OPHN1: variants seen among roughly 807,000 people sequenced by gnomAD.
The protein encoded by OPHN1 is oligophrenin 1, also known as oligophrenin-1.
In OPHN1, 11 loss-of-function variants were observed where a neutral mutation model predicts 60.7. The observed-to-expected ratio is 0.18, with a 90% CI of 0.11 to 0.30. The LOEUF (loss-of-function observed/expected upper bound fraction) is 0.30. Among genes scored for constraint, OPHN1 ranks in the 10% least tolerant of loss-of-function variants. The pLI, the probability that OPHN1 is intolerant of heterozygous loss-of-function variation, is 1.00. For missense variants in OPHN1, 449 were observed against 611.0 expected (o/e 0.73, Z 2.80); for synonymous variants, 226 against 222.6 (o/e 1.02, Z -0.14).
intron 6 of OPHN1, among the ~76,000 whole-genome samples, chrX:68,234,282 C>T (rs2077742493): frequency 1.8e-5 from 2 of 111,063 alleles, no homozygotes; most frequent in South Asian, 7.6e-4. Context: ...AGTATCCTAT[C>T]CAAGGTCACA....
chrX:68,197,024 T>G (rs1402111110), intron 12 of OPHN1, among the ~76,000 whole-genome samples, 162 bp downstream of exon 12: 2 of 111,412 alleles, frequency 1.8e-5, no homozygotes, highest in Non-Finnish European at 3.8e-5. Context: ...GGAACTCCAG[T>G]TGCCTTACCT....
chrX:68,251,291 A>G (rs760015036), intron 5 of OPHN1, among the ~76,000 whole-genome samples: 6 of 100,920 alleles, frequency 5.9e-5, no homozygotes, highest in African/African-American at 2.3e-4. Context: ...GGTTCAAGCG[A>G]TTCTCCTACC....
intron 2 of OPHN1, among the ~76,000 whole-genome samples, chrX:68,409,670 G>A (rs1050326967): frequency 5.4e-5 from 6 of 111,758 alleles, no homozygotes; most frequent in Middle Eastern, 4.7e-3. Flanking sequence ...TGAGGGCTGA[G>A]GGCTGAAAAT....
intron 10 of OPHN1, among the ~76,000 whole-genome samples, chrX:68,206,222 T>C (rs756017468): frequency 9.0e-6 from 1 of 111,663 alleles, no homozygotes; most frequent in Non-Finnish European, 1.9e-5. Context: ...ATTTTGGAAT[T>C]CAATTCATAT....
chrX:68,183,070 A>T (rs1165263260), intron 15 of OPHN1, among the ~76,000 whole-genome samples: 1 of 112,174 alleles, frequency 8.9e-6, no homozygotes, highest in Admixed American at 9.5e-5. Context: ...ACAAAGGCCC[A>T]TAATAACACT....
intron 15 of OPHN1, among the ~76,000 whole-genome samples, chrX:68,125,201 T>C (rs189566275): frequency 1.8e-5 from 2 of 111,489 alleles, no homozygotes; most frequent in Admixed American, 1.9e-4. Context: ...AAAGCAGTAC[T>C]AAGATGGAAG....
In OPHN1 at chrX:68,081,339, G is replaced by T. The variant is rs759224363; in HGVS notation, c.1687-8040C>A. The stretch of plus-strand genomic sequence containing the variant: ...TTGGAGCTTTGCTATGTAACCAGGG[G>T]CAAGAAACTTAAACTATATGAATCT... On this transcript the variant is annotated intron_variant, in intron 19 of 24. Coordinates refer to ENST00000355520, the MANE Select transcript of OPHN1 (RefSeq NM_002547.3). Among the ~76,000 whole-genome samples, 9 of 111,427 alleles carry T rather than the reference G, an allele frequency of 8.1e-5. No homozygotes were observed. The East Asian group carries it at 2.3e-3, about 28-fold the overall frequency.
chrX:68,429,524 G>C (rs1332384430), intron 2 of OPHN1, among the ~76,000 whole-genome samples: 2 of 110,992 alleles, frequency 1.8e-5, no homozygotes, highest in African/African-American at 6.6e-5. Context: ...AGGAATTCCA[G>C]ATCAGCCTGG....
intron 5 of OPHN1, among the ~76,000 whole-genome samples, chrX:68,267,260 T>C (rs771875490): frequency 3.5e-4 from 39 of 111,245 alleles, no homozygotes; most frequent in East Asian, 8.5e-4. Context: ...TACTCCAAAA[T>C]TGACCACATA....
In OPHN1 at chrX:68,213,931, C is replaced by G. The variant is rs1450571836; in HGVS notation, c.528G>C (p.Glu176Asp). The G allele has an allele frequency of 1.7e-6, 2 of 1,203,954 alleles. No homozygotes were observed. The highest frequency in any genetic ancestry group is 2.2e-6 in the Non-Finnish European group (2 of 890,918). Residue 176 changes from glutamate to aspartate, a missense_variant, in exon 7 of 25, where the codon GAG (glutamate) becomes GAC (aspartate). Physicochemically the swap from Glu to Asp is conservative, Grantham distance 45 (BLOSUM62 2). This residue lies in a region of OPHN1 where 99 missense variants were observed against 155.2 expected (regional missense o/e 0.64). Coordinates refer to ENST00000355520, the MANE Select transcript of OPHN1 (RefSeq NM_002547.3). ...QVDKERHNFF[E>D]SSLDYVYQIQ... The stretch of plus-strand genomic sequence containing the variant: ...TTTGATAAACATAATCAAGAGAGGA[C>G]TCGAAAAAATTGTGCCTCTCCTTGT...
chrX:68,303,095 G>A (rs1463857353), intron 2 of OPHN1, among the ~76,000 whole-genome samples: 2 of 111,455 alleles, frequency 1.8e-5, no homozygotes, highest in Non-Finnish European at 3.8e-5. Flanking sequence ...AAAGACATCC[G>A]ATGTTCAATA....
At chrX:68,402,385 G>C (rs2078719819) in intron 2 of OPHN1, among the ~76,000 whole-genome samples, 1 of 46,622 alleles carries the variant, frequency 2.1e-5, no homozygotes, top group African/African-American at 3.8e-5. Flanking sequence ...GAAGAAGAGA[G>C]AAAGAAGAGA....
chrX:68,078,099 C>T (rs1308202560), intron 19 of OPHN1, among the ~76,000 whole-genome samples: 1 of 111,346 alleles, frequency 9.0e-6, no homozygotes, highest in Non-Finnish European at 1.9e-5. Flanking sequence ...TCTCCAGGGC[C>T]CTTCCATTTG....
intron 11 of OPHN1, among the ~76,000 whole-genome samples, chrX:68,198,258 G>T (rs779464674): frequency 9.0e-6 from 1 of 110,986 alleles, no homozygotes; most frequent in African/African-American, 3.3e-5. Context: ...ACTTGAAAGA[G>T]TAGGTTCATT....
At chrX:68,265,107 G>C (rs1419358231) in intron 5 of OPHN1, among the ~76,000 whole-genome samples, 3 of 112,494 alleles carry the variant, frequency 2.7e-5, no homozygotes, top group African/African-American at 9.7e-5. Context: ...CTGGGGGCAG[G>C]GTATTGCCAA....
chrX:68,353,408 G>GAA lies in OPHN1; in HGVS notation c.155-54314_155-54313dup, dbSNP rs766331200. Among the ~76,000 whole-genome samples the GAA allele has an allele frequency of 4.1e-3, 196 of 48,099 alleles. 3 individuals are homozygous for GAA. Among genetic ancestry groups the GAA allele is most frequent in the African/African-American group, 0.012 (169 of 14,436 alleles). 41.8% of individuals were successfully genotyped at this position (48,099 alleles called of 115,157 possible). A position where few individuals can be genotyped will look rare whatever the true frequency, so the allele number is the denominator to read the frequency against. On this transcript the variant is annotated intron_variant, in intron 2 of 24. Coordinates refer to ENST00000355520, the MANE Select transcript of OPHN1 (RefSeq NM_002547.3). ...ACATGGTGAAACCCCGTCTCTACAGGAAAAAAAAAAAAAAAAAAAAAAAGC... is the reference window on the plus strand; with the variant it reads ...ACATGGTGAAACCCCGTCTCTACAGGAAAAAAAAAAAAAAAAAAAAAAAAAGC...
intron 15 of OPHN1, among the ~76,000 whole-genome samples, chrX:68,142,502 G>A (rs1010927227): frequency 2.7e-5 from 3 of 111,784 alleles, no homozygotes; most frequent in Non-Finnish European, 5.6e-5. Flanking sequence ...ACTTATCAAC[G>A]TCTGCTTGAT....
intron 2 of OPHN1, among the ~76,000 whole-genome samples, chrX:68,370,011 A>AACATATATATATATATATATAT (rs2078519052): frequency 1.6e-4 from 10 of 64,354 alleles, no homozygotes; most frequent in African/African-American, 7.8e-4. Flanking sequence ...AAATTGCTGA[A>AACATATATATATATATATATAT]ATATATATAT....
At chrX:68,356,095 G>C (rs1429693668) in intron 2 of OPHN1, among the ~76,000 whole-genome samples, 1 of 110,540 alleles carries the variant, frequency 9.0e-6, no homozygotes, top group Admixed American at 9.7e-5. Flanking sequence ...GTGTCATTTT[G>C]GCTGGGGCAC....
Sources: gnomAD v4.1 joint callset for allele counts (sites outside exome capture counted in the v4.1 genomes callset) on GRCh38, gnomAD v4.1.1 for gene constraint, gnomAD v4.1.1 regional missense constraint, MANE v1.5 for transcripts, NCBI Gene and HGNC (gene_info 2026-07-23, HGNC 2026-07-21) for gene names.